ZFHX4: variants seen among roughly 807,000 people sequenced by gnomAD.
ZFHX4 encodes zinc finger homeobox 4, also known as zinc finger homeobox protein 4.
A neutral mutation model predicts 267.6 loss-of-function variants in ZFHX4; 56 were observed. The ratio of observed to expected loss-of-function variants is 0.21; its 90% CI spans 0.17 to 0.26. The LOEUF is 0.26. ZFHX4 is among the 10% of genes least tolerant of loss of function. The pLI, the probability that ZFHX4 is intolerant of heterozygous loss-of-function variation, is 1.00. For missense variants in ZFHX4, 4,332 were observed against 4,420.0 expected (o/e 0.98, Z 0.56); for synonymous variants, 1,778 against 1,665.6 (o/e 1.07, Z -1.64).
intron 3 of ZFHX4, among the ~76,000 whole-genome samples, chr8:76,772,371 T>C (rs937267129): frequency 2.0e-5 from 3 of 152,148 alleles, no homozygotes; most frequent in Non-Finnish European, 4.4e-5. Context: ...AATAGAAATT[T>C]GAGAGTTGTC....
intron 3 of ZFHX4, among the ~76,000 whole-genome samples, chr8:76,724,527 G>T (rs890182678): frequency 6.6e-6 from 1 of 152,024 alleles, no homozygotes; most frequent in Non-Finnish European, 1.5e-5. Context: ...AGGAAAAATG[G>T]CAAGCGTTTT....
At chr8:76,711,870 G>A (rs1466003378) in intron 3 of ZFHX4, among the ~76,000 whole-genome samples, 1 of 152,132 alleles carries the variant, frequency 6.6e-6, no homozygotes, top group African/African-American at 2.4e-5. Context: ...GTATGGCCAA[G>A]ACTTTTCTGG....
At chr8:76,756,549 A>T (rs1461500249) in intron 3 of ZFHX4, among the ~76,000 whole-genome samples, 1 of 151,966 alleles carries the variant, frequency 6.6e-6, no homozygotes, top group South Asian at 2.1e-4. Context: ...ATTTTGTCTA[A>T]TTTTAGTTCA....
At position 76,794,124 on chromosome 8, in the gene ZFHX4, T is replaced by C. The variant is rs572409579; in HGVS notation, c.3325+15685T>C. 2.5e-3 allele frequency among the ~76,000 whole-genome samples: 383 copies of C among 152,332 alleles called. 2 individuals carry two copies. The highest frequency in any genetic ancestry group is 8.8e-3 in the African/African-American group (366 of 41,588). ...AAAAGCAGAACTTTACAAAGCTTTA[T>C]GGCTCAGCTATAAATATGTACATGG... On this transcript the variant is annotated intron_variant, in intron 4 of 10. Transcript: ENST00000651372.
At chr8:76,713,404 T>C (rs1275805341) in intron 3 of ZFHX4, among the ~76,000 whole-genome samples, 1 of 152,160 alleles carries the variant, frequency 6.6e-6, no homozygotes, top group Non-Finnish European at 1.5e-5. Context: ...TCAGGATAGA[T>C]AGAATGATTT....
chr8:76,762,492 A>G (rs533693117), intron 3 of ZFHX4, among the ~76,000 whole-genome samples: 81 of 152,316 alleles, frequency 5.3e-4, no homozygotes, highest in African/African-American at 1.9e-3. Flanking sequence ...TTAAAAATGT[A>G]TAATACTAGA....
At chr8:76,750,426 A>C (rs981889874) in intron 3 of ZFHX4, among the ~76,000 whole-genome samples, 3 of 152,152 alleles carry the variant, frequency 2.0e-5, no homozygotes, top group Non-Finnish European at 4.4e-5. Flanking sequence ...AGTAAGAAGT[A>C]AATGTAGCTT....
chr8:76,822,763 C>T (rs1413340000), intron 4 of ZFHX4, among the ~76,000 whole-genome samples: 2 of 151,990 alleles, frequency 1.3e-5, no homozygotes, highest in East Asian at 3.9e-4. Context: ...TTCTCAGTAT[C>T]TTTTGTCATC....
At chr8:76,826,316 A>C (rs1811783595) in intron 4 of ZFHX4, among the ~76,000 whole-genome samples, 1 of 152,118 alleles carries the variant, frequency 6.6e-6, no homozygotes, top group Non-Finnish European at 1.5e-5. Context: ...CTCCCACCAG[A>C]CCCTACCTCC....
intron 3 of ZFHX4, among the ~76,000 whole-genome samples, chr8:76,748,473 T>C (rs566888527): frequency 1.3e-5 from 2 of 152,344 alleles, no homozygotes; most frequent in African/African-American, 4.8e-5. Context: ...GATCTCGCTG[T>C]CCTCAGGCCA....
intron 10 of ZFHX4, among the ~76,000 whole-genome samples, chr8:76,858,524 A>C (rs1812789626): frequency 6.6e-6 from 1 of 152,166 alleles, no homozygotes; most frequent in Admixed American, 6.5e-5. Flanking sequence ...TTTGTGAGAG[A>C]TTTTAAACAT....
intron 3 of ZFHX4, among the ~76,000 whole-genome samples, chr8:76,714,536 C>T (rs1338521034): frequency 1.3e-5 from 2 of 152,266 alleles, no homozygotes; most frequent in African/African-American, 4.8e-5. Context: ...GGCATGGAGG[C>T]ACAGCCACCA....
intron 5 of ZFHX4, among the ~76,000 whole-genome samples, chr8:76,834,928 A>G (rs1812030082): frequency 1.3e-5 from 2 of 151,240 alleles, no homozygotes; most frequent in South Asian, 4.2e-4. Flanking sequence ...TCTGAAGGAT[A>G]TAAGGTTTGT....
In ZFHX4 at chr8:76,863,704, G is replaced by C; in HGVS notation, c.9990G>C (p.Leu3330=). 6.4e-7 allele frequency: 1 copy of C among 1,568,892 alleles called. No homozygotes were observed. Among genetic ancestry groups the C allele is most frequent in the Non-Finnish European group, 8.6e-7 (1 of 1,156,484 alleles). ...ATCAGCAGAACCTGCAGGAGTCCCT[G>C]CAAAAGCAGCAAAAGCAACAGCAAG... ...QQYQQNLQES[L]QKQQKQQQEQ... Residue 3330 remains leucine (L), a synonymous_variant, in exon 11 of 11, where the codon CTG becomes CTC. Coordinates refer to ENST00000651372, the MANE Select transcript of ZFHX4 (RefSeq NM_024721.5).
chr8:76,806,943 C>G (rs1811260582), intron 4 of ZFHX4, among the ~76,000 whole-genome samples: 1 of 152,016 alleles, frequency 6.6e-6, no homozygotes, highest in Non-Finnish European at 1.5e-5. Context: ...TGTTACTACT[C>G]CTGAGTGTTT....
intron 4 of ZFHX4, among the ~76,000 whole-genome samples, chr8:76,798,770 C>T (rs540508588): frequency 3.3e-5 from 5 of 152,258 alleles, no homozygotes; most frequent in African/African-American, 9.6e-5. Flanking sequence ...TTGACTACTT[C>T]CCATCTAAGA....
intron 5 of ZFHX4, among the ~76,000 whole-genome samples, chr8:76,835,515 T>A (rs1416213954): frequency 1.3e-5 from 2 of 151,872 alleles, no homozygotes; most frequent in East Asian, 3.9e-4. Flanking sequence ...TAAAAACAAT[T>A]TTGCAAGTGA....
Position 76,858,100 on chromosome 8 carries a change from A to G in ZFHX4, c.9379+1800A>G, listed in dbSNP as rs377244959. ...GGTCAAAGCATCTTGTTTTTTCTCCACTGAGTCTGAAGGCCTTTGTTCGGA... is the reference window on the plus strand; with the variant it reads ...GGTCAAAGCATCTTGTTTTTTCTCCGCTGAGTCTGAAGGCCTTTGTTCGGA... On this transcript the variant is annotated intron_variant, in intron 10 of 10. Transcript: ENST00000651372. Among the ~76,000 whole-genome samples the G allele has an allele frequency of 1.1e-4, 16 of 152,234 alleles. No individual in the cohort carries two copies. In the South Asian group the frequency reaches 1.7e-3, roughly 16 times the overall value.
intron 4 of ZFHX4, chr8:76,782,120 T>TCC: frequency 2.7e-6 from 1 of 369,354 alleles, no homozygotes; most frequent in Admixed American, 3.5e-5. Flanking sequence ...TTTTTTTTTT[T>TCC]TTTTGCCTAT....
Sources: gnomAD v4.1 joint callset for allele counts (sites outside exome capture counted in the v4.1 genomes callset) on GRCh38, gnomAD v4.1.1 for gene constraint, MANE v1.5 for transcripts, NCBI Gene and HGNC (gene_info 2026-07-23, HGNC 2026-07-21) for gene names.